Variants in SLC27A2 observed in about 807,000 individuals in gnomAD.
SLC27A2 encodes long-chain fatty acid transport protein 2.
Under a neutral mutation model 60.0 loss-of-function variants are expected in SLC27A2, and 54 were observed. That is an observed-to-expected ratio of 0.90 (90% CI 0.72 to 1.13). The LOEUF is 1.13. Among genes scored for constraint, SLC27A2 ranks in the 50% most tolerant of loss-of-function variants. SLC27A2 has a pLI of 0.00. For synonymous variants in SLC27A2, 297 were observed against 297.6 expected (o/e 1.00, Z 0.02); for missense variants, 739 against 777.6 (o/e 0.95, Z 0.59).
chr15:50,204,901 A>G (rs1482092264), intron 3 of SLC27A2, among the ~76,000 whole-genome samples: 1 of 147,792 alleles, frequency 6.8e-6, no homozygotes, highest in Non-Finnish European at 1.5e-5. Flanking sequence ...ATTTATACAT[A>G]TATTTAGTAT....
At chr15:50,214,339 C>CA (rs1420499281) in intron 4 of SLC27A2, among the ~76,000 whole-genome samples, 1 of 151,354 alleles carries the variant, frequency 6.6e-6, no homozygotes, top group Non-Finnish European at 1.5e-5. Flanking sequence ...AAATTACCGA[C>CA]AAAAAAAAGT....
chr15:50,192,774 A>G (rs2044984175), intron 1 of SLC27A2, among the ~76,000 whole-genome samples: 1 of 120,310 alleles, frequency 8.3e-6, no homozygotes, highest in Non-Finnish European at 1.8e-5. Flanking sequence ...GCTAGCTGTA[A>G]GTACATTTTT....
At chr15:50,215,410 A>G (rs1402218764) in intron 4 of SLC27A2, among the ~76,000 whole-genome samples, 1 of 152,170 alleles carries the variant, frequency 6.6e-6, no homozygotes, top group East Asian at 1.9e-4. Flanking sequence ...TACAAATTCA[A>G]TGCAATCCCA....
rs2044944296 is a variant in SLC27A2, at chr15:50,188,570, G to A, written c.478+5665G>A. 2.0e-5 allele frequency among the ~76,000 whole-genome samples: 3 copies of A among 152,344 alleles called. No homozygotes were observed. In the South Asian group the frequency reaches 6.2e-4, roughly 32 times the overall value. ...GCCCAAGGAGTAACTTAAATGAGTT[G>A]TTTCAATGCACTTTGTCTCAAAGGC... On this transcript the variant is annotated intron_variant, in intron 1 of 9. Coordinates refer to ENST00000267842, the MANE Select transcript of SLC27A2 (RefSeq NM_003645.4).
At chr15:50,232,528 T>C (rs781752929) in intron 8 of SLC27A2, among the ~76,000 whole-genome samples, 1 of 152,174 alleles carries the variant, frequency 6.6e-6, no homozygotes, top group Non-Finnish European at 1.5e-5. Flanking sequence ...AGAGCTCCTA[T>C]AGGCTGGAAC....
At position 50,204,537 on chromosome 15, in the gene SLC27A2, T is replaced by G. The variant is rs550350453; in HGVS notation, c.848-702T>G. ...TCACGAGGTCAGGAGATTGAGACCATCCTGGCTAACACAGTGAAACCCCTT... is the reference window on the plus strand; with the variant it reads ...TCACGAGGTCAGGAGATTGAGACCAGCCTGGCTAACACAGTGAAACCCCTT... On this transcript the variant is annotated intron_variant, in intron 3 of 9. Transcript: ENST00000267842. Among the ~76,000 whole-genome samples, 81 of 151,884 alleles carry G rather than the reference T, an allele frequency of 5.3e-4. No homozygotes were observed. The South Asian group carries it at 5.8e-3, about 11-fold the overall frequency.
At chr15:50,203,107 G>A (rs891266842) in intron 3 of SLC27A2, among the ~76,000 whole-genome samples, 1 of 151,818 alleles carries the variant, frequency 6.6e-6, no homozygotes, top group Admixed American at 6.6e-5. Context: ...AGAATTGCTT[G>A]AGTCCAAGAG....
intron 5 of SLC27A2, among the ~76,000 whole-genome samples, chr15:50,224,045 T>G (rs1320601049): frequency 6.6e-6 from 1 of 152,212 alleles, no homozygotes; most frequent in East Asian, 1.9e-4. Flanking sequence ...AGGTCACATA[T>G]GCTCCTCAGG....
chr15:50,217,934 A>G (rs2045211885), intron 4 of SLC27A2, among the ~76,000 whole-genome samples: 1 of 151,770 alleles, frequency 6.6e-6, no homozygotes, highest in African/African-American at 2.4e-5. Flanking sequence ...GGCGCCAGTA[A>G]TCCCAGCTAC....
Position 50,205,351 on chromosome 15 carries a change from C to A in SLC27A2, c.960C>A (p.Cys320Ter). Residue 320 changes from cysteine to a stop codon, truncating the protein, a stop_gained, in exon 4 of 10, where the codon TGC becomes TGA. Coordinates refer to ENST00000267842, the MANE Select transcript of SLC27A2 (RefSeq NM_003645.4). LOFTEE classifies it high-confidence loss of function. ...QYIGELLRYL[C>*]NSPQKPNDRD... is the part of the protein sequence containing the mutation. ...TCGGTGAACTGCTTCGGTATTTATG[C>A]AACTCACCACAGGTAACACTCCCCC... The A allele has an allele frequency of 6.2e-7, 1 of 1,605,012 alleles. No homozygotes were observed. The highest frequency in any genetic ancestry group is 8.5e-7 in the Non-Finnish European group (1 of 1,174,234).
At chr15:50,212,451 A>T (rs71469685) in intron 4 of SLC27A2, among the ~76,000 whole-genome samples, 3,402 of 152,364 alleles carry the variant, frequency 0.022, 55 homozygotes, top group Non-Finnish European at 0.032. Flanking sequence ...ACACCTGGGA[A>T]ATTCATCACA....
At chr15:50,213,841 C>A (rs12909764) in intron 4 of SLC27A2, among the ~76,000 whole-genome samples, 1 of 151,860 alleles carries the variant, frequency 6.6e-6, no homozygotes, top group East Asian at 1.9e-4. Context: ...TAGCCCTAAA[C>A]GCCTGTAACA....
intron 5 of SLC27A2, 151 bp downstream of exon 5, chr15:50,223,310 GTGA>G: frequency 3.7e-6 from 2 of 544,524 alleles, no homozygotes; most frequent in Non-Finnish European, 6.3e-6. Context: ...CTCATTCTCT[GTGA>G]TGATGACTTC....
At chr15:50,184,812 G>A (rs547685250) in intron 1 of SLC27A2, among the ~76,000 whole-genome samples, 18 of 152,262 alleles carry the variant, frequency 1.2e-4, no homozygotes, top group African/African-American at 4.1e-4. Context: ...ACTCCAGCCT[G>A]GGGGACAGAG....
intron 4 of SLC27A2, among the ~76,000 whole-genome samples, chr15:50,215,584 C>T (rs374289860): frequency 6.6e-6 from 1 of 152,156 alleles, no homozygotes; most frequent in Non-Finnish European, 1.5e-5. Context: ...GCCATAGTCA[C>T]CAAAACAGCA....
At chr15:50,204,923 AATAT>A (rs1045974258) in intron 3 of SLC27A2, among the ~76,000 whole-genome samples, 2 of 146,844 alleles carry the variant, frequency 1.4e-5, no homozygotes, top group Admixed American at 1.4e-4. Flanking sequence ...TATATAATAT[AATAT>A]ATATATATAT....
chr15:50,201,943 A>G (rs1242100612), intron 2 of SLC27A2, among the ~76,000 whole-genome samples: 1 of 152,246 alleles, frequency 6.6e-6, no homozygotes, highest in African/African-American at 2.4e-5. Context: ...TCTAGTACGT[A>G]AGAAATCTCT....
chr15:50,230,404 G>A (rs1314295083), intron 8 of SLC27A2, among the ~76,000 whole-genome samples: 1 of 151,946 alleles, frequency 6.6e-6, no homozygotes, highest in Non-Finnish European at 1.5e-5. Context: ...TTAGCCAGGG[G>A]TGGTGGCTCC....
intron 1 of SLC27A2, among the ~76,000 whole-genome samples, chr15:50,190,791 G>A (rs991639886): frequency 2.6e-5 from 4 of 152,090 alleles, no homozygotes; most frequent in African/African-American, 9.7e-5. Flanking sequence ...CTTAAAACTA[G>A]ACTGATGAAG....
Sources: allele counts gnomAD v4.1 joint callset (sites outside exome capture counted in the v4.1 genomes callset), GRCh38; gene constraint gnomAD v4.1.1; transcripts MANE v1.5; gene names NCBI Gene and HGNC (gene_info 2026-07-23, HGNC 2026-07-21).